Variants in EIPR1 observed in about 807,000 individuals in gnomAD.
EIPR1 encodes EARP and GARP complex-interacting protein 1.
Under a neutral mutation model 48.1 loss-of-function variants are expected in EIPR1, and 25 were observed. The observed-to-expected ratio is 0.52, with a 90% CI of 0.38 to 0.73. The LOEUF (loss-of-function observed/expected upper bound fraction) is 0.73. Among genes scored for constraint, EIPR1 ranks in the 30% least tolerant of loss-of-function variants. The pLI, the probability that EIPR1 is intolerant of heterozygous loss-of-function variation, is 0.00. For missense variants in EIPR1, 415 were observed against 506.2 expected (o/e 0.82, Z 1.73); for synonymous variants, 204 against 201.9 (o/e 1.01, Z -0.09).
chr2:3,321,499 T>G (rs1292692095), intron 3 of EIPR1, among the ~76,000 whole-genome samples: 1 of 152,180 alleles, frequency 6.6e-6, no homozygotes, highest in South Asian at 2.1e-4. Flanking sequence ...GGGCTCTCGG[T>G]CATTTTCTCT....
chr2:3,354,691 T>A (rs200234008), intron 1 of EIPR1, 58 bp from the exon 2 acceptor site: 10 of 574 alleles, frequency 0.017, no homozygotes, highest in Non-Finnish European at 0.022. Context: ...ATAGAGATTA[T>A]GAAGTTAGAT....
Position 3,237,221 on chromosome 2 carries a change from TACACACACAC to T in EIPR1, c.416+20068_416+20077del, listed in dbSNP as rs35498711. 6.3e-3 allele frequency among the ~76,000 whole-genome samples: 810 copies of T among 127,834 alleles called. 9 individuals are homozygous for T. Among genetic ancestry groups the T allele is most frequent in the African/African-American group, 0.02 (683 of 33,366 alleles). 83.9% of individuals were successfully genotyped at this position (127,834 alleles called of 152,430 possible). ...CAGGATTAAGCTGTATTTTGAAAAC[TACACACACAC>T]ACACACACACACACACACACACACA... On this transcript the variant is annotated intron_variant, in intron 4 of 8. Transcript: ENST00000382125.
intron 4 of EIPR1, among the ~76,000 whole-genome samples, chr2:3,215,318 A>G (rs1665594164): frequency 6.6e-6 from 1 of 152,200 alleles, no homozygotes; most frequent in Non-Finnish European, 1.5e-5. Context: ...CTCAAGGATA[A>G]TGGCAAAGTA....
chr2:3,333,781 G>C (rs996352109), intron 3 of EIPR1, among the ~76,000 whole-genome samples: 5 of 151,548 alleles, frequency 3.3e-5, no homozygotes, highest in African/African-American at 1.2e-4. Flanking sequence ...CATGAAAAAG[G>C]ATTTTAGGAC....
chr2:3,300,817 A>G (rs1176237418), intron 3 of EIPR1: 2 of 152,200 alleles, frequency 1.3e-5, no homozygotes, highest in Non-Finnish European at 2.9e-5. Context: ...GAGAGTATAT[A>G]TGTCATGGGT....
intron 2 of EIPR1, among the ~76,000 whole-genome samples, chr2:3,352,736 C>T (rs142568818): frequency 2.1e-4 from 32 of 152,358 alleles, no homozygotes; most frequent in Admixed American, 2.0e-3. Context: ...GTGGCTCACG[C>T]CTGTAATCCC....
intron 4 of EIPR1, among the ~76,000 whole-genome samples, chr2:3,218,453 C>T (rs561967462): frequency 3.9e-4 from 57 of 147,150 alleles, no homozygotes; most frequent in South Asian, 1.3e-3. Context: ...GGCCCCGATA[C>T]GCTCTAGAGC....
intron 3 of EIPR1, among the ~76,000 whole-genome samples, chr2:3,303,095 G>T (rs1365025394): frequency 6.6e-6 from 1 of 152,260 alleles, no homozygotes; most frequent in Admixed American, 6.5e-5. Flanking sequence ...CAGTGCCCTT[G>T]TGTCCACCTA....
At chr2:3,356,950 T>A (rs1000374241) in intron 1 of EIPR1, among the ~76,000 whole-genome samples, 5 of 152,242 alleles carry the variant, frequency 3.3e-5, no homozygotes, top group Non-Finnish European at 7.3e-5. Flanking sequence ...GTAGGGAAAT[T>A]GAAAGTACCT....
At chr2:3,190,788 G>A (rs1664579808) in intron 8 of EIPR1, among the ~76,000 whole-genome samples, 1 of 152,112 alleles carries the variant, frequency 6.6e-6, no homozygotes, top group African/African-American at 2.4e-5. Flanking sequence ...ACTATTCTAT[G>A]GCAGACCGAG....
intron 6 of EIPR1, chr2:3,194,507 C>CCA (rs1664729950): frequency 5.3e-6 from 1 of 189,580 alleles, no homozygotes; most frequent in African/African-American, 2.3e-5. Flanking sequence ...CATGGGGACA[C>CCA]TGAGCCAGAC....
At chr2:3,284,603 C>A (rs1183711938) in intron 3 of EIPR1, among the ~76,000 whole-genome samples, 1 of 152,250 alleles carries the variant, frequency 6.6e-6, no homozygotes, top group Non-Finnish European at 1.5e-5. Flanking sequence ...TTCTTCAGCC[C>A]ATCTAATGTC....
At position 3,318,814 on chromosome 2, in the gene EIPR1, A is replaced by T. The variant is rs1305082446; in HGVS notation, c.259+19203T>A. 6.4e-6 allele frequency: 3 copies of T among 467,782 alleles called. No individual in the cohort carries two copies. In the East Asian group the frequency reaches 2.1e-4, roughly 33 times the overall value. The allele number at this position is 467,782 out of a possible 1,614,324, so 29.0% of individuals were successfully genotyped here. ...CTCGATCGCCACACATGCACCCCAA[A>T]CTCAGGAGGGGTGCTTGTTTACATA... On this transcript the variant is annotated intron_variant, in intron 3 of 8. Transcript: ENST00000382125.
chr2:3,318,619 C>G (rs1435048187), intron 3 of EIPR1, among the ~76,000 whole-genome samples: 1 of 152,070 alleles, frequency 6.6e-6, no homozygotes, highest in Non-Finnish European at 1.5e-5. Context: ...CACAACTAAA[C>G]AAAAAACACA....
At position 3,195,655 on chromosome 2, in the gene EIPR1, C is replaced by T. The variant is rs541739960; in HGVS notation, c.653+1226G>A. Among the ~76,000 whole-genome samples the T allele has an allele frequency of 5.3e-5, 8 of 152,242 alleles. No individual in the cohort carries two copies. The East Asian group carries it at 1.4e-3, about 26-fold the overall frequency. On this transcript the variant is annotated intron_variant, in intron 6 of 8. Coordinates refer to ENST00000382125, the MANE Select transcript of EIPR1 (RefSeq NM_003310.5). ...AACTAGATGGACAGTCGCACGTGCA[C>T]GATGTATTAACTAAAGGTTACTGCA...
intron 4 of EIPR1, among the ~76,000 whole-genome samples, chr2:3,222,787 C>T (rs930356831): frequency 9.9e-5 from 15 of 152,140 alleles, no homozygotes; most frequent in African/African-American, 2.2e-4. Context: ...ATCGTGGATT[C>T]GCTTTCAGAG....
rs529197808 is a variant in EIPR1, at chr2:3,284,423, G to A, written c.260-26968C>T. ...AAGCTGGGCACATGGAGATGGGGCC[G>A]GAGGCCACCCACAGGCACAGAAGGC... is the stretch of plus-strand genomic sequence containing the variant. On this transcript the variant is annotated intron_variant, in intron 3 of 8. Transcript: ENST00000382125. Among the ~76,000 whole-genome samples, 86 of 117,020 alleles carry A rather than the reference G, an allele frequency of 7.3e-4. 2 individuals are homozygous for A. The highest frequency in any genetic ancestry group is 2.6e-3 in the African/African-American group (80 of 30,586). 76.8% of individuals were successfully genotyped at this position (117,020 alleles called of 152,430 possible). A position where few individuals can be genotyped will look rare whatever the true frequency, so the allele number is the denominator to read the frequency against.
intron 4 of EIPR1, among the ~76,000 whole-genome samples, chr2:3,228,437 G>A (rs1263006590): frequency 2.6e-5 from 4 of 152,214 alleles, no homozygotes; most frequent in Non-Finnish European, 5.9e-5. Context: ...TAATTAAGTT[G>A]CTTTTGATTT....
At chr2:3,304,224 C>T (rs1668844763) in intron 3 of EIPR1, among the ~76,000 whole-genome samples, 1 of 152,182 alleles carries the variant, frequency 6.6e-6, no homozygotes, top group African/African-American at 2.4e-5. Context: ...GCGTGCTGTG[C>T]GCGGGGAGGT....
Sources: allele counts gnomAD v4.1 joint callset (sites outside exome capture counted in the v4.1 genomes callset), GRCh38; gene constraint gnomAD v4.1.1; transcripts MANE v1.5; gene names NCBI Gene and HGNC (gene_info 2026-07-23, HGNC 2026-07-21).